NUB1: variants seen among roughly 807,000 people sequenced by gnomAD.
NUB1 encodes the protein NEDD8 ultimate buster 1.
A neutral mutation model predicts 77.1 loss-of-function variants in NUB1; 41 were observed. That is an observed-to-expected ratio of 0.53 (90% CI 0.41 to 0.69). The LOEUF (loss-of-function observed/expected upper bound fraction) is 0.69. NUB1 is among the 30% of genes least tolerant of loss of function. NUB1 has a pLI of 0.00. For missense variants in NUB1, 643 were observed against 743.8 expected, an observed-to-expected ratio of 0.86 and a Z score of 1.58; for synonymous variants, 257 against 281.0, an observed-to-expected ratio of 0.91 and a Z score of 0.85.
intron 1 of NUB1, among the ~76,000 whole-genome samples, chr7:151,343,068 AG>A (rs2150652787): frequency 6.6e-6 from 1 of 152,338 alleles, no homozygotes; most frequent in South Asian, 2.1e-4. Context: ...GGGAGACAGT[AG>A]GGTTGCTGTG....
rs189569255 is a variant in NUB1, at chr7:151,366,683, G to A, written c.801-256G>A. 1.9e-3 allele frequency among the ~76,000 whole-genome samples: 289 copies of A among 152,282 alleles called. 1 individual carries two copies. The highest frequency in any genetic ancestry group is 1.8e-3 in the Non-Finnish European group (123 of 68,028). On this transcript the variant is annotated intron_variant, in intron 8 of 14. Transcript: ENST00000568733. ...TGCTTCCTATCAAGGGGCTGCATGTGTGTCCTGGGGCAAGTGGTGGTAAGC... is the reference window on the plus strand; with the variant it reads ...TGCTTCCTATCAAGGGGCTGCATGTATGTCCTGGGGCAAGTGGTGGTAAGC...
intron 12 of NUB1, 132 bp downstream of exon 12, chr7:151,374,375 G>A: frequency 1.7e-6 from 2 of 1,188,210 alleles, no homozygotes; most frequent in South Asian, 2.6e-5. Context: ...CTGAAGGGCA[G>A]GTTTCTCCTG....
chr7:151,370,664 G>C (rs543546687), intron 11 of NUB1, among the ~76,000 whole-genome samples: 1 of 151,234 alleles, frequency 6.6e-6, no homozygotes, highest in African/African-American at 2.4e-5. Flanking sequence ...TTTAGCATTA[G>C]GTATATCTCC....
chr7:151,345,267 A>G, intron 1 of NUB1, 81 bp from the exon 2 acceptor site: 1 of 861,418 alleles, frequency 1.2e-6, no homozygotes, highest in Non-Finnish European at 1.9e-6. Flanking sequence ...CTTACCCAAC[A>G]AAGCACCTTA....
At chr7:151,348,170 T>G (rs965738515) in intron 2 of NUB1, among the ~76,000 whole-genome samples, 1 of 152,226 alleles carries the variant, frequency 6.6e-6, no homozygotes, top group South Asian at 2.1e-4. Context: ...TGGATTTTTT[T>G]GGGGAGGAAC....
chr7:151,357,763 C>T (rs1797151796), intron 7 of NUB1, among the ~76,000 whole-genome samples: 1 of 151,852 alleles, frequency 6.6e-6, no homozygotes, highest in Admixed American at 6.6e-5. Flanking sequence ...GTGTGCCCCA[C>T]CATGCCTGGC....
At position 151,374,230 on chromosome 7, in the gene NUB1, A is replaced by G; in HGVS notation, c.1382A>G (p.Asp461Gly). 1 of 1,556,030 alleles carries G rather than the reference A, an allele frequency of 6.4e-7. No homozygotes were observed. The highest frequency in any genetic ancestry group is 8.7e-7 in the Non-Finnish European group (1 of 1,149,714). ...CTCCACGCAGCCAGCGGGAACTTGG[A>G]TGAGGCCCTGAAGGTAGCAGCTCCC... is the stretch of plus-strand genomic sequence containing the variant. The part of the protein sequence containing the change: ...QVLHAASGNL[D>G]EALKILLSNP... The change falls in exon 12 of 15, where the codon GAT becomes GGT. Residue 461 changes from aspartate (D) to glycine (G), a missense_variant. Physicochemically the swap from Asp to Gly is moderately conservative, Grantham distance 94. Coordinates refer to ENST00000568733, the MANE Select transcript of NUB1 (RefSeq NM_001243351.2).
At chr7:151,375,326 A>G (rs191633095) in intron 12 of NUB1, among the ~76,000 whole-genome samples, 21 of 152,342 alleles carry the variant, frequency 1.4e-4, no homozygotes, top group East Asian at 9.6e-4. Flanking sequence ...ATGGGTCTCA[A>G]AATAGATGTG....
chr7:151,375,615 C>T (rs1798180961), intron 12 of NUB1, among the ~76,000 whole-genome samples: 2 of 152,202 alleles, frequency 1.3e-5, no homozygotes, highest in South Asian at 4.1e-4. Context: ...TCCCTTCCTG[C>T]TCTAACAGAA....
intron 1 of NUB1, among the ~76,000 whole-genome samples, chr7:151,344,806 C>T (rs1039361328): frequency 3.3e-5 from 5 of 152,082 alleles, no homozygotes; most frequent in African/African-American, 1.2e-4. Context: ...TCGAGACCAG[C>T]CTGGCCAACA....
intron 4 of NUB1, 86 bp downstream of exon 4, chr7:151,351,568 T>C: frequency 1.1e-6 from 1 of 916,866 alleles, no homozygotes; most frequent in Non-Finnish European, 1.7e-6. Context: ...CCTCTTAAGA[T>C]AGGTAGGGCA....
chr7:151,376,396 G>A (rs1033976658), intron 13 of NUB1: 15 of 530,044 alleles, frequency 2.8e-5, no homozygotes, highest in African/African-American at 1.5e-4. Context: ...CTCTCAGCCC[G>A]AGGTCACTGC....
At chr7:151,353,316 G>A (rs1463111393) in intron 5 of NUB1, among the ~76,000 whole-genome samples, 1 of 152,122 alleles carries the variant, frequency 6.6e-6, no homozygotes, top group Non-Finnish European at 1.5e-5. Flanking sequence ...TGTGTGTGGA[G>A]AATGAGGGGA....
intron 3 of NUB1, among the ~76,000 whole-genome samples, chr7:151,350,585 G>C (rs431281): frequency 0.36 from 54,859 of 152,086 alleles, 11,118 homozygotes; most frequent in East Asian, 0.79. Context: ...TATAATTGTA[G>C]AACAAAGATT....
intron 11 of NUB1, among the ~76,000 whole-genome samples, chr7:151,370,223 A>G (rs1427680770): frequency 6.6e-6 from 1 of 152,036 alleles, no homozygotes; most frequent in Non-Finnish European, 1.5e-5. Context: ...AGTAGCTGGA[A>G]TTACAGGTGC....
At chr7:151,354,089 T>C (rs1796945925) in intron 5 of NUB1, among the ~76,000 whole-genome samples, 1 of 152,204 alleles carries the variant, frequency 6.6e-6, no homozygotes, top group South Asian at 2.1e-4. Context: ...GCTTAATCTA[T>C]AAGAGGTCTT....
At position 151,376,373 on chromosome 7, in the gene NUB1, G is replaced by T; in HGVS notation, c.1492-261G>T. 6 of 515,358 alleles carry T rather than the reference G, an allele frequency of 1.2e-5. No individual in the cohort carries two copies. In the South Asian group the frequency reaches 1.6e-4, roughly 14 times the overall value. 31.9% of individuals were successfully genotyped at this position (515,358 alleles called of 1,614,324 possible). On this transcript the variant is annotated intron_variant, in intron 13 of 14. Coordinates refer to ENST00000568733, the MANE Select transcript of NUB1 (RefSeq NM_001243351.2). ...CCTCGCGGTGCTCGTGGTGAGGCTGGTGTGGCGCCCTGCTCTCAGCCCGAG... is the reference window on the plus strand; with the variant it reads ...CCTCGCGGTGCTCGTGGTGAGGCTGTTGTGGCGCCCTGCTCTCAGCCCGAG...
Position 151,346,088 on chromosome 7 carries a change from C to A in NUB1, c.117+622C>A, listed in dbSNP as rs987082078. Among the ~76,000 whole-genome samples, 5 of 152,180 alleles carry A rather than the reference C, an allele frequency of 3.3e-5. No individual in the cohort carries two copies. The South Asian group carries it at 8.3e-4, about 25-fold the overall frequency. On this transcript the variant is annotated intron_variant, in intron 2 of 14. Coordinates refer to ENST00000568733, the MANE Select transcript of NUB1 (RefSeq NM_001243351.2). ...TAGCATGTACTTCTCTGCTCTCATTCAGAGTATCCTGAACATGATGTAACA... is the reference window on the plus strand; with the variant it reads ...TAGCATGTACTTCTCTGCTCTCATTAAGAGTATCCTGAACATGATGTAACA...
At chr7:151,348,867 G>A (rs2150666561) in intron 2 of NUB1, among the ~76,000 whole-genome samples, 1 of 152,114 alleles carries the variant, frequency 6.6e-6, no homozygotes. Flanking sequence ...GAGCCACCGC[G>A]CCCAGTCTCA....
Sources: allele counts gnomAD v4.1 joint callset (sites outside exome capture counted in the v4.1 genomes callset), GRCh38; gene constraint gnomAD v4.1.1; transcripts MANE v1.5; gene names NCBI Gene and HGNC (gene_info 2026-07-23, HGNC 2026-07-21).